CLASP1: variants seen among roughly 807,000 people sequenced by gnomAD.
CLASP1 encodes the protein CLIP-associating protein 1.
CLASP1 carries 38 observed loss-of-function variants against 192.3 expected under a neutral mutation model. The ratio of observed to expected loss-of-function variants is 0.20; its 90% confidence interval spans 0.15 to 0.26. The LOEUF (loss-of-function observed/expected upper bound fraction) is 0.26. CLASP1 is among the 10% of genes least tolerant of loss of function. CLASP1 has a pLI of 1.00. For missense variants in CLASP1, 1,433 were observed against 1,932.5 expected (o/e 0.74, Z 4.85); for synonymous variants, 691 against 712.8 (o/e 0.97, Z 0.49).
At chr2:121,506,101 G>A (rs1230782870) in intron 7 of CLASP1, among the ~76,000 whole-genome samples, 1 of 152,174 alleles carries the variant, frequency 6.6e-6, no homozygotes, top group Non-Finnish European at 1.5e-5. Flanking sequence ...TAAAACAGGA[G>A]AGTAGCACTT....
chr2:121,418,700 T>G (rs772916255), exon 23 of CLASP1: 2 of 1,613,746 alleles, frequency 1.2e-6, no homozygotes, highest in Admixed American at 3.3e-5. Flanking sequence ...CCCTGACTCA[T>G]GCTGGGTCGA....
intron 7 of CLASP1, among the ~76,000 whole-genome samples, chr2:121,513,946 G>A (rs1032418029): frequency 6.6e-6 from 1 of 152,222 alleles, no homozygotes; most frequent in Non-Finnish European, 1.5e-5. Context: ...ACCAAATTGT[G>A]CTGTGCAGTT....
At chr2:121,490,995 C>T (rs1171202995) in intron 8 of CLASP1, among the ~76,000 whole-genome samples, 1 of 152,150 alleles carries the variant, frequency 6.6e-6, no homozygotes, top group African/African-American at 2.4e-5. Context: ...AACTGATTTG[C>T]CTTTAAATGA....
In CLASP1 at chr2:121,482,469, C is replaced by T. The variant is rs368482730; in HGVS notation, c.713-12509G>A. Among the ~76,000 whole-genome samples the T allele has an allele frequency of 1.3e-4, 20 of 152,204 alleles. No homozygotes were observed. In the East Asian group the frequency reaches 2.1e-3, roughly 16 times the overall value. On this transcript the variant is annotated intron_variant, in intron 8 of 39. Coordinates refer to ENST00000263710, the Ensembl canonical transcript of CLASP1. ...TCAGAGAAAAGAACTTACAGCGACA[C>T]GCCAAGAGTGACTAAGATCAGTCTT...
chr2:121,537,585 A>T (rs2095124066), intron 2 of CLASP1, among the ~76,000 whole-genome samples: 1 of 152,230 alleles, frequency 6.6e-6, no homozygotes, highest in African/African-American at 2.4e-5. Flanking sequence ...AATTAAGACC[A>T]ATACTGCCAA....
chr2:121,357,364 C>A (rs1448250644), intron 37 of CLASP1, among the ~76,000 whole-genome samples: 1 of 152,102 alleles, frequency 6.6e-6, no homozygotes, highest in Non-Finnish European at 1.5e-5. Context: ...AACCACCTTA[C>A]CTCACTTGAC....
At chr2:121,460,743 G>A (rs1038936312) in intron 11 of CLASP1, among the ~76,000 whole-genome samples, 1 of 152,030 alleles carries the variant, frequency 6.6e-6, no homozygotes, top group Non-Finnish European at 1.5e-5. Flanking sequence ...CAAGTGATAA[G>A]AAGAAAGAAA....
intron 10 of CLASP1, 118 bp downstream of exon 10, chr2:121,462,414 T>C (rs774022514): frequency 1.8e-5 from 11 of 608,582 alleles, no homozygotes; most frequent in Non-Finnish European, 3.0e-5. Context: ...TCTCCTGTAG[T>C]GCTGACAGTT....
intron 2 of CLASP1, among the ~76,000 whole-genome samples, chr2:121,568,899 T>C (rs2059733655): frequency 6.6e-6 from 1 of 151,892 alleles, no homozygotes; most frequent in African/African-American, 2.4e-5. Context: ...GCAGGAATAG[T>C]TTGGAGGAAT....
chr2:121,569,299 C>T lies in CLASP1; in HGVS notation c.195+36402G>A, dbSNP rs1475792320. Among the ~76,000 whole-genome samples the T allele has an allele frequency of 2.6e-5, 4 of 152,264 alleles. No individual in the cohort carries two copies. The East Asian group carries it at 5.8e-4, about 22-fold the overall frequency. On this transcript the variant is annotated intron_variant, in intron 2 of 39. Coordinates refer to ENST00000263710, the Ensembl canonical transcript of CLASP1. Reference sequence around the variant, plus strand: ...GAGACCCAAATGATAGGATATAGCTCATAACACAGAGATCGGGAGAAAGCC... The same window carrying T: ...GAGACCCAAATGATAGGATATAGCTTATAACACAGAGATCGGGAGAAAGCC...
chr2:121,400,202 C>CTTAT (rs562977347), intron 28 of CLASP1, among the ~76,000 whole-genome samples: 6 of 152,042 alleles, frequency 3.9e-5, no homozygotes, highest in Admixed American at 2.0e-4. Flanking sequence ...TACTTTGATT[C>CTTAT]TTATTTATTT....
At chr2:121,469,176 G>C (rs1387998045) in intron 9 of CLASP1, among the ~76,000 whole-genome samples, 1 of 152,144 alleles carries the variant, frequency 6.6e-6, no homozygotes, top group Non-Finnish European at 1.5e-5. Context: ...TCCAGGTAGA[G>C]AAATACAGGC....
intron 9 of CLASP1, among the ~76,000 whole-genome samples, chr2:121,464,509 C>A (rs1008111582): frequency 6.6e-6 from 1 of 152,082 alleles, no homozygotes; most frequent in Non-Finnish European, 1.5e-5. Flanking sequence ...CAGCACCTGT[C>A]GTTTCCTGAC....
intron 9 of CLASP1, among the ~76,000 whole-genome samples, chr2:121,463,752 A>T (rs2088683589): frequency 6.6e-6 from 1 of 151,986 alleles, no homozygotes; most frequent in Admixed American, 6.6e-5. Context: ...AACTGGGCTG[A>T]TATGTGCATA....
chr2:121,337,953 C>G (rs1434831712), exon 40 of CLASP1: 1 of 145,828 alleles, frequency 6.9e-6, no homozygotes, highest in African/African-American at 2.7e-5. Context: ...GCCCCCCCCC[C>G]CAAAAAAACC....
intron 2 of CLASP1, among the ~76,000 whole-genome samples, chr2:121,566,405 G>A (rs1371557687): frequency 1.3e-5 from 2 of 152,206 alleles, no homozygotes; most frequent in African/African-American, 4.8e-5. Flanking sequence ...GTAATAGTCT[G>A]TAAAACGTAA....
Position 121,606,177 on chromosome 2 carries a change from C to G in CLASP1, c.-282G>C. ...TGAAATACTTCATAATTCAGCAGTC[C>G]ATTCTGAAAAGTAAGAGAAGAGAAC... is the stretch of plus-strand genomic sequence containing the variant. On this transcript the variant is annotated 5_prime_UTR_variant, in exon 2 of 40. The change abolishes an upstream ATG in the 5' untranslated region. Coordinates refer to ENST00000263710, the Ensembl canonical transcript of CLASP1. 2.2e-6 allele frequency: 1 copy of G among 461,758 alleles called. No homozygotes were observed. Among genetic ancestry groups the G allele is most frequent in the Non-Finnish European group, 3.8e-6 (1 of 262,754 alleles). 28.6% of individuals were successfully genotyped at this position (461,758 alleles called of 1,614,324 possible). A position where few individuals can be genotyped will look rare whatever the true frequency, so the allele number is the denominator to read the frequency against.
Position 121,629,863 on chromosome 2 carries a change from T to A in CLASP1, c.-286+19509A>T, listed in dbSNP as rs545985168. ...TGTTTATAAAATAAAAACTTTTTTT[T>A]ATATGCATCTTGCATAGAAAACGTA... On this transcript the variant is annotated intron_variant, in intron 1 of 39. Coordinates refer to ENST00000263710, the Ensembl canonical transcript of CLASP1. Among the ~76,000 whole-genome samples the A allele has an allele frequency of 2.1e-3, 316 of 151,212 alleles. 1 individual carries two copies. Among genetic ancestry groups the A allele is most frequent in the African/African-American group, 6.2e-3 (252 of 40,772 alleles).
At chr2:121,401,897 GC>G in intron 26 of CLASP1, 27 bp from the exon 28 acceptor site, 1 of 695,612 alleles carries the variant, frequency 1.4e-6, no homozygotes, top group Non-Finnish European at 2.7e-6. Context: ...CGCAAACGAG[GC>G]CATGCAACAA....
Sources: allele counts gnomAD v4.1 joint callset (sites outside exome capture counted in the v4.1 genomes callset), GRCh38; gene constraint gnomAD v4.1.1; transcripts MANE v1.5; gene names NCBI Gene and HGNC (gene_info 2026-07-23, HGNC 2026-07-21).